LEMD3: variants seen among roughly 807,000 people sequenced by gnomAD.
The protein encoded by LEMD3 is LEM domain containing 3, also known as inner nuclear membrane protein Man1.
Under a neutral mutation model 95.2 loss-of-function variants are expected in LEMD3, and 33 were observed. That is an observed-to-expected ratio of 0.35 (90% CI 0.26 to 0.46). LEMD3 has a LOEUF of 0.46. Among genes scored for constraint, LEMD3 ranks in the 20% least tolerant of loss-of-function variants. The pLI, the probability that LEMD3 is intolerant of heterozygous loss-of-function variation, is 1.00. For synonymous variants in LEMD3, 525 were observed against 474.6 expected (o/e 1.11, Z -1.38); for missense variants, 1,210 against 1,192.8 (o/e 1.01, Z -0.21).
Position 65,170,853 on chromosome 12 carries a change from T to A in LEMD3, c.1257T>A (p.Ser419=). The A allele has an allele frequency of 1.2e-6, 2 of 1,614,156 alleles. No homozygotes were observed. Among genetic ancestry groups the A allele is most frequent in the East Asian group, 4.5e-5 (2 of 44,874 alleles). The part of the protein sequence containing the change: ...SLPPSAAVAA[S]SSLRINHANH... ...CTCCCAGTGCGGCGGTGGCCGCCTC[T>A]AGTTCACTCAGGATCAATCACGCCA... The change falls in exon 1 of 13, where the codon TCT becomes TCA. Residue 419 remains serine (S), a synonymous_variant. Coordinates refer to ENST00000308330, the MANE Select transcript of LEMD3 (RefSeq NM_014319.5).
At chr12:65,227,977 T>C (rs1490732002) in intron 4 of LEMD3, among the ~76,000 whole-genome samples, 1 of 152,018 alleles carries the variant, frequency 6.6e-6, no homozygotes, top group Non-Finnish European at 1.5e-5. Flanking sequence ...TCCATGGAGG[T>C]GGAACCCATG....
intron 2 of LEMD3, among the ~76,000 whole-genome samples, chr12:65,214,280 C>T (rs1372302050): frequency 6.6e-6 from 1 of 152,174 alleles, no homozygotes; most frequent in Non-Finnish European, 1.5e-5. Flanking sequence ...CAGGCATGAG[C>T]CACCACACCC....
In LEMD3 at chr12:65,246,665, G is replaced by C. The variant is rs188694142; in HGVS notation, c.*340G>C. Reference sequence around the variant, plus strand: ...AACCACACAAAAGCATGATGAAAAGGCTTCTTGTAGTCCCATAATTTCTTG... The same window carrying C: ...AACCACACAAAAGCATGATGAAAAGCCTTCTTGTAGTCCCATAATTTCTTG... On this transcript the variant is annotated 3_prime_UTR_variant, in exon 13 of 13. Transcript: ENST00000308330. 3.5e-6 allele frequency: 1 copy of C among 281,964 alleles called. No homozygotes were observed. Among genetic ancestry groups the C allele is most frequent in the Non-Finnish European group, 6.8e-6 (1 of 147,164 alleles). 17.5% of individuals were successfully genotyped at this position (281,964 alleles called of 1,614,324 possible). A position where few individuals can be genotyped will look rare whatever the true frequency, so the allele number is the denominator to read the frequency against.
chr12:65,226,981 A>T lies in LEMD3; in HGVS notation c.1695+8362A>T, dbSNP rs555814241. Among the ~76,000 whole-genome samples, 7 of 152,326 alleles carry T rather than the reference A, an allele frequency of 4.6e-5. 1 individual carries two copies. In the South Asian group the frequency reaches 1.4e-3, roughly 32 times the overall value. ...TTTCAATTTTGACCTAGATGAGAAC[A>T]TTAATGACAGTAAAATTTATGGATA... On this transcript the variant is annotated intron_variant, in intron 4 of 12. Coordinates refer to ENST00000308330, the MANE Select transcript of LEMD3 (RefSeq NM_014319.5).
intron 3 of LEMD3, among the ~76,000 whole-genome samples, chr12:65,217,010 T>C (rs749047522): frequency 6.6e-6 from 1 of 152,242 alleles, no homozygotes; most frequent in Non-Finnish European, 1.5e-5. Flanking sequence ...ATGCTAGTTA[T>C]GCTAGCTAGG....
intron 1 of LEMD3, among the ~76,000 whole-genome samples, chr12:65,181,953 T>C (rs1868919062): frequency 6.6e-6 from 1 of 152,076 alleles, no homozygotes. Flanking sequence ...TTTAAAGCCT[T>C]AGGTGAGAAG....
intron 4 of LEMD3, among the ~76,000 whole-genome samples, chr12:65,219,153 A>G (rs7309516): frequency 0.03 from 4,612 of 152,216 alleles, 234 homozygotes; most frequent in African/African-American, 0.11. Flanking sequence ...AAAGGGTACA[A>G]AGAAACATTG....
intron 1 of LEMD3, among the ~76,000 whole-genome samples, chr12:65,187,351 T>G (rs1869099296): frequency 6.6e-6 from 1 of 152,044 alleles, no homozygotes; most frequent in African/African-American, 2.4e-5. Flanking sequence ...GGTCTGTGCT[T>G]GTGTGTGTGC....
chr12:65,188,195 T>C (rs75243325), intron 1 of LEMD3, among the ~76,000 whole-genome samples: 310 of 152,146 alleles, frequency 2.0e-3, no homozygotes, highest in Non-Finnish European at 3.3e-3. Flanking sequence ...AAGACTCTTT[T>C]AATATTGGAT....
chr12:65,187,277 T>C (rs1433583664), intron 1 of LEMD3, among the ~76,000 whole-genome samples: 1 of 152,146 alleles, frequency 6.6e-6, no homozygotes. Context: ...AGTGAGTGTT[T>C]ACTATGAGGA....
intron 1 of LEMD3, among the ~76,000 whole-genome samples, chr12:65,186,767 C>G (rs1380061546): frequency 6.7e-6 from 1 of 149,842 alleles, no homozygotes; most frequent in Non-Finnish European, 1.5e-5. Context: ...ATAGTACAAA[C>G]ACAGGAGTTA....
Position 65,169,791 on chromosome 12 carries a change from C to T in LEMD3, c.195C>T (p.Asn65=). Residue 65 remains asparagine, a synonymous_variant, in exon 1 of 13, where the codon AAC becomes AAT. Coordinates refer to ENST00000308330, the MANE Select transcript of LEMD3 (RefSeq NM_014319.5). The part of the protein sequence containing the change: ...RSGGRGNKTR[N]SNNNNTAAAT... ...GGGGCCGCGGCAACAAGACGCGGAACAGTAATAACAATAACACGGCAGCCG... is the reference window on the plus strand; with the variant it reads ...GGGGCCGCGGCAACAAGACGCGGAATAGTAATAACAATAACACGGCAGCCG... The T allele has an allele frequency of 1.9e-6, 3 of 1,554,398 alleles. No homozygotes were observed. The highest frequency in any genetic ancestry group is 2.6e-6 in the Non-Finnish European group (3 of 1,148,114).
intron 1 of LEMD3, among the ~76,000 whole-genome samples, chr12:65,203,287 CTA>C (rs1421616120): frequency 6.6e-6 from 1 of 152,002 alleles, no homozygotes; most frequent in Non-Finnish European, 1.5e-5. Context: ...TAATGGAACA[CTA>C]GACATTAATA....
At chr12:65,215,767 C>T (rs1870088389) in intron 2 of LEMD3, among the ~76,000 whole-genome samples, 1 of 151,930 alleles carries the variant, frequency 6.6e-6, no homozygotes, top group African/African-American at 2.4e-5. Flanking sequence ...AAATCGTTCT[C>T]CAGAAAGTGA....
intron 1 of LEMD3, among the ~76,000 whole-genome samples, chr12:65,175,693 T>A (rs529085211): frequency 6.6e-6 from 1 of 152,340 alleles, no homozygotes; most frequent in South Asian, 2.1e-4. Context: ...TGCACACATT[T>A]CTCTAGGAAG....
At chr12:65,209,337 A>C (rs1869865377) in intron 1 of LEMD3, among the ~76,000 whole-genome samples, 1 of 152,166 alleles carries the variant, frequency 6.6e-6, no homozygotes, top group Non-Finnish European at 1.5e-5. Context: ...ATAGACATTA[A>C]AACTTGTTTT....
At position 65,217,420 on chromosome 12, in the gene LEMD3, T is replaced by G. The variant is rs940076739; in HGVS notation, c.1628-1132T>G. Reference sequence around the variant, plus strand: ...GGATGCACTAATAAACTTTCAAGACTTGTTCATCTGATAGGTACTTCTCCC... The same window carrying G: ...GGATGCACTAATAAACTTTCAAGACGTGTTCATCTGATAGGTACTTCTCCC... On this transcript the variant is annotated intron_variant, in intron 3 of 12. Coordinates refer to ENST00000308330, the MANE Select transcript of LEMD3 (RefSeq NM_014319.5). Among the ~76,000 whole-genome samples the G allele has an allele frequency of 2.6e-5, 4 of 152,360 alleles. 1 individual carries two copies. The highest frequency in any genetic ancestry group is 2.0e-4 in the Admixed American group (3 of 15,310).
At position 65,170,236 on chromosome 12, in the gene LEMD3, G is replaced by T. The variant is rs774803333; in HGVS notation, c.640G>T (p.Asp214Tyr). Reference sequence around the variant, plus strand: ...CGAGCTGCAGACCCCGCCGGGGAAAGATGGAGCAGTGGAGGACGAGGAAGG... The same window carrying T: ...CGAGCTGCAGACCCCGCCGGGGAAATATGGAGCAGTGGAGGACGAGGAAGG... ...GPELQTPPGKDGAVEDEEGEG... is the reference protein window; with the variant it reads ...GPELQTPPGKYGAVEDEEGEG... Residue 214 changes from aspartate to tyrosine, a missense_variant, in exon 1 of 13, where the codon GAT becomes TAT. Asp to Tyr is a radical substitution (Grantham distance 160). Transcript: ENST00000308330. 2.0e-6 allele frequency: 3 copies of T among 1,529,994 alleles called. No homozygotes were observed. The highest frequency in any genetic ancestry group is 2.6e-6 in the Non-Finnish European group (3 of 1,136,214). The allele number at this position is 1,529,994 out of a possible 1,614,324, so 94.8% of individuals were successfully genotyped here.
chr12:65,171,237 A>G, intron 1 of LEMD3, 119 bp downstream of exon 1: 8 of 1,537,672 alleles, frequency 5.2e-6, no homozygotes, highest in Non-Finnish European at 6.1e-6. Flanking sequence ...TAACAGCAAA[A>G]ACGCAACAGT....
Sources: gnomAD v4.1 joint callset for allele counts (sites outside exome capture counted in the v4.1 genomes callset) on GRCh38, gnomAD v4.1.1 for gene constraint, MANE v1.5 for transcripts, NCBI Gene and HGNC (gene_info 2026-07-23, HGNC 2026-07-21) for gene names.